Variants in FGF13 observed in about 807,000 individuals in gnomAD.
The protein encoded by FGF13 is fibroblast growth factor 13, also known as fibroblast growth factor homologous factor 2.
Under a neutral mutation model 19.5 loss-of-function variants are expected in FGF13, and 2 were observed. The ratio of observed to expected loss-of-function variants is 0.10; its 90% CI spans 0.04 to 0.32. The LOEUF (loss-of-function observed/expected upper bound fraction) is 0.32, where lower values mean the gene tolerates loss of function less well. Ranked by LOEUF, FGF13 falls within the 10% of genes least tolerant of loss-of-function variation. FGF13 has a pLI of 1.00. For missense variants in FGF13, 113 were observed against 192.7 expected (o/e 0.59, Z 2.45); for synonymous variants, 72 against 76.9 (o/e 0.94, Z 0.33).
At chrX:138,829,725 A>T (rs2091058408) in intron 3 of FGF13, among the ~76,000 whole-genome samples, 1 of 106,948 alleles carries the variant, frequency 9.4e-6, no homozygotes, top group African/African-American at 3.4e-5. Context: ...CTTCTATTCT[A>T]TTTTTTTTTT....
chrX:138,762,473 T>C (rs977709370), intron 3 of FGF13, among the ~76,000 whole-genome samples: 1 of 112,451 alleles, frequency 8.9e-6, no homozygotes, highest in African/African-American at 3.2e-5. Context: ...AAGAAATTAA[T>C]TGGCTGGTTG....
intron 3 of FGF13, among the ~76,000 whole-genome samples, chrX:138,680,827 G>T (rs780811397): frequency 9.0e-6 from 1 of 110,904 alleles, no homozygotes; most frequent in Non-Finnish European, 1.9e-5. Flanking sequence ...CTCTAGCCAC[G>T]AAACCCCTGG....
At chrX:139,074,792 A>G (rs144218712) in intron 1 of FGF13, among the ~76,000 whole-genome samples, 3,299 of 112,449 alleles carry the variant, frequency 0.029, 62 homozygotes, top group Middle Eastern at 0.055. Flanking sequence ...TGCTCCAGAC[A>G]TGCTGGCTTT....
At position 138,823,587 on chromosome X, in the gene FGF13, C is replaced by G. The variant is rs1329751771; in HGVS notation, c.217+33925G>C. Among the ~76,000 whole-genome samples, 4 of 111,975 alleles carry G rather than the reference C, an allele frequency of 3.6e-5. No individual in the cohort carries two copies. In the East Asian group the frequency reaches 1.1e-3, roughly 31 times the overall value. On this transcript the variant is annotated intron_variant, in intron 3 of 6. Transcript: ENST00000436198. ...GCTGAGCTAAGGAAAAGTCCTGCAA[C>G]AATGGGATTCAAGCTTCTACTTTTA...
At chrX:138,777,395 A>G (rs2090595998) in intron 3 of FGF13, among the ~76,000 whole-genome samples, 1 of 111,662 alleles carries the variant, frequency 9.0e-6, no homozygotes, top group South Asian at 3.8e-4. Context: ...ATTTTGAGAG[A>G]CATCAGGTAT....
chrX:138,795,727 G>A (rs1305188208), intron 3 of FGF13, among the ~76,000 whole-genome samples: 1 of 111,849 alleles, frequency 8.9e-6, no homozygotes, highest in Non-Finnish European at 1.9e-5. Context: ...ATTATACTAA[G>A]ACCCAGCTAT....
chrX:139,173,669 T>C (rs553567280), intron 1 of FGF13, among the ~76,000 whole-genome samples: 12 of 111,173 alleles, frequency 1.1e-4, no homozygotes, highest in African/African-American at 3.6e-4. Flanking sequence ...TTTCTGTTCC[T>C]GTGTAAGTTT....
At chrX:139,179,003 C>G (rs1001441129) in intron 1 of FGF13, among the ~76,000 whole-genome samples, 1 of 112,161 alleles carries the variant, frequency 8.9e-6, no homozygotes, top group Non-Finnish European at 1.9e-5. Context: ...ATAATGGACT[C>G]TTGCTTTTAA....
intron 1 of FGF13, among the ~76,000 whole-genome samples, chrX:139,143,950 T>C (rs1257775458): frequency 9.0e-6 from 1 of 111,545 alleles, no homozygotes; most frequent in African/African-American, 3.3e-5. Flanking sequence ...TACCCTAATA[T>C]GCACCTGCCA....
chrX:139,118,663 C>A (rs2083656590), intron 1 of FGF13, among the ~76,000 whole-genome samples: 1 of 111,387 alleles, frequency 9.0e-6, no homozygotes. Context: ...AACCAAATCT[C>A]CCTCCTCAGA....
chrX:139,020,780 TG>T (rs1396101760), intron 1 of FGF13, among the ~76,000 whole-genome samples: 2 of 111,769 alleles, frequency 1.8e-5, no homozygotes, highest in Non-Finnish European at 3.8e-5. Flanking sequence ...CTATTTTAGG[TG>T]TATTTTATTG....
intron 1 of FGF13, among the ~76,000 whole-genome samples, chrX:139,009,693 G>C (rs1286935676): frequency 9.0e-6 from 1 of 111,049 alleles, no homozygotes; most frequent in African/African-American, 3.3e-5. Context: ...CCCCAAAATA[G>C]AACCTCATTA....
intron 3 of FGF13, among the ~76,000 whole-genome samples, chrX:138,845,494 A>T (rs1279607037): frequency 8.9e-6 from 1 of 111,960 alleles, no homozygotes; most frequent in East Asian, 2.8e-4. Flanking sequence ...CTGTTGACAG[A>T]CACTGTGCTA....
upstream of FGF13, chrX:139,204,190 G>C: frequency 4.3e-6 from 4 of 931,376 alleles, no homozygotes; most frequent in South Asian, 8.1e-5. Context: ...TGCTTAGGGC[G>C]GCAAGTCTCG....
intron 3 of FGF13, among the ~76,000 whole-genome samples, chrX:138,669,450 G>A (rs2089590086): frequency 9.0e-6 from 1 of 111,271 alleles, no homozygotes; most frequent in Non-Finnish European, 1.9e-5. Context: ...AGGCTCCAGT[G>A]TACTTCAGAC....
At chrX:138,963,025 C>T (rs956212706) in intron 1 of FGF13, among the ~76,000 whole-genome samples, 4 of 112,215 alleles carry the variant, frequency 3.6e-5, no homozygotes, top group African/African-American at 1.3e-4. Context: ...AAAAGTGCAG[C>T]CATCAGAAAT....
intron 1 of FGF13, among the ~76,000 whole-genome samples, chrX:138,875,218 C>T (rs1419860859): frequency 1.2e-4 from 12 of 96,722 alleles, no homozygotes; most frequent in African/African-American, 4.0e-4. Context: ...GGTGACAGAG[C>T]GAGACTCTGT....
chrX:139,146,867 G>A (rs1246442342), intron 1 of FGF13, among the ~76,000 whole-genome samples: 4 of 109,521 alleles, frequency 3.7e-5, no homozygotes, highest in Non-Finnish European at 5.7e-5. Flanking sequence ...ACTATCTCAA[G>A]GACAGAAAAC....
intron 3 of FGF13, chrX:138,667,929 G>T: frequency 5.5e-6 from 1 of 181,460 alleles, no homozygotes; most frequent in South Asian, 7.8e-5. Flanking sequence ...GGTAGACTGT[G>T]GCCTTGTGGA....
Sources: allele counts gnomAD v4.1 joint callset (sites outside exome capture counted in the v4.1 genomes callset), GRCh38; gene constraint gnomAD v4.1.1; transcripts MANE v1.5; gene names NCBI Gene and HGNC (gene_info 2026-07-23, HGNC 2026-07-21).